The following DNAH11 variants were observed in gnomAD, a reference collection of about 807,000 sequenced individuals.
DNAH11 encodes the protein axonemal beta dynein heavy chain 11.
A neutral mutation model predicts 526.0 loss-of-function variants in DNAH11; 442 were observed. The ratio of observed to expected loss-of-function variants is 0.84; its 90% CI spans 0.78 to 0.91. The LOEUF (loss-of-function observed/expected upper bound fraction) is 0.91. Among genes scored for constraint, DNAH11 ranks in the 40% least tolerant of loss-of-function variants. DNAH11 has a pLI of 0.00. For missense variants in DNAH11, 6,989 were observed against 5,448.7 expected, an observed-to-expected ratio of 1.28 and a Z score of -8.90; for synonymous variants, 2,461 against 1,935.9, an observed-to-expected ratio of 1.27 and a Z score of -7.12.
chr7:21,604,358 C>T (rs760843243), intron 18 of DNAH11, among the ~76,000 whole-genome samples: 3 of 152,148 alleles, frequency 2.0e-5, no homozygotes, highest in Non-Finnish European at 2.9e-5. Context: ...TAATTCATCC[C>T]ATTCCTCCTC....
chr7:21,609,165 G>A (rs1010844925), intron 20 of DNAH11, among the ~76,000 whole-genome samples: 1 of 152,090 alleles, frequency 6.6e-6, no homozygotes, highest in Non-Finnish European at 1.5e-5. Context: ...ATAACCAGCT[G>A]AATTAACATA....
Position 21,744,471 on chromosome 7 carries a change from G to C in DNAH11, c.8188G>C (p.Gly2730Arg). 2 of 1,613,732 alleles carry C rather than the reference G, an allele frequency of 1.2e-6. No homozygotes were observed. The highest frequency in any genetic ancestry group is 1.7e-6 in the Non-Finnish European group (2 of 1,179,784). The change falls in exon 50 of 82, where the codon GGT becomes CGT. Residue 2730 changes from glycine (G) to arginine (R), a missense_variant. Gly to Arg is a moderately radical substitution (Grantham distance 125, BLOSUM62 -2). Coordinates refer to ENST00000409508, the MANE Select transcript of DNAH11 (RefSeq NM_001277115.2). Reference protein sequence around the residue: ...ILFASPECLKGPLDLIHLWLH... With the variant: ...ILFASPECLKRPLDLIHLWLH... The stretch of plus-strand genomic sequence containing the variant: ...ATTTGCTTCTCCTGAGTGTTTAAAA[G>C]GTCCACTTGATTTAATACATCTGTG...
At chr7:21,766,240 G>A (rs1049479691) in intron 55 of DNAH11, among the ~76,000 whole-genome samples, 42 of 152,224 alleles carry the variant, frequency 2.8e-4, no homozygotes, top group Admixed American at 1.8e-3. Context: ...AAAGCTTCAA[G>A]CATTCAGATT....
At chr7:21,611,114 G>A (rs1011879554) in intron 20 of DNAH11, among the ~76,000 whole-genome samples, 10 of 152,134 alleles carry the variant, frequency 6.6e-5, no homozygotes, top group Admixed American at 3.3e-4. Context: ...CCTGCAGTGC[G>A]GGTGGGCATT....
chr7:21,837,752 G>A (rs6969983), intron 65 of DNAH11, among the ~76,000 whole-genome samples: 193 of 152,202 alleles, frequency 1.3e-3, no homozygotes, highest in African/African-American at 4.5e-3. Context: ...GGAGGAATAC[G>A]TTCTGGTGTT....
intron 49 of DNAH11, among the ~76,000 whole-genome samples, chr7:21,743,384 A>T (rs1464736386): frequency 6.6e-6 from 1 of 152,214 alleles, no homozygotes; most frequent in Non-Finnish European, 1.5e-5. Flanking sequence ...GACAGTGTTT[A>T]TGTATTTGAC....
chr7:21,583,358 A>AG (rs1784378704), intron 9 of DNAH11, among the ~76,000 whole-genome samples: 1 of 152,198 alleles, frequency 6.6e-6, no homozygotes, highest in South Asian at 2.1e-4. Flanking sequence ...TATTTAATAA[A>AG]TGGTGTTGGG....
In DNAH11 at chr7:21,617,695, C is replaced by T; in HGVS notation, c.4172C>T (p.Thr1391Ile). The T allele has an allele frequency of 6.2e-7, 1 of 1,613,846 alleles. No individual in the cohort carries two copies. Among genetic ancestry groups the T allele is most frequent in the African/African-American group, 1.3e-5 (1 of 75,048 alleles). ...TGLEGTVKDM[T>I]ASLRAITELQ... is the part of the protein sequence containing the mutation. ...CTGGAAGGCACAGTTAAGGACATGA[C>T]AGCCTCCCTGAGGGCCATCACAGAG... The change falls in exon 23 of 82, where the codon ACA (threonine) becomes ATA (isoleucine). Residue 1391 changes from threonine (T) to isoleucine (I), a missense_variant. Transcript: ENST00000409508.
chr7:21,852,515 C>G lies in DNAH11; in HGVS notation c.10945C>G (p.Leu3649Val). The G allele has an allele frequency of 1.2e-6, 2 of 1,612,948 alleles. No homozygotes were observed. The highest frequency in any genetic ancestry group is 1.7e-6 in the Non-Finnish European group (2 of 1,179,488). ...QNDFKIELKYLEDDLLLRLSA... is the reference protein window; with the variant it reads ...QNDFKIELKYVEDDLLLRLSA... ...TGATTTTAAAATTGAGCTCAAGTAT[C>G]TGGAAGACGATCTCCTTTTGCGCCT... Residue 3649 changes from leucine (L) to valine (V), a missense_variant, in exon 67 of 82, where the codon CTG becomes GTG. Coordinates refer to ENST00000409508, the MANE Select transcript of DNAH11 (RefSeq NM_001277115.2).
intron 8 of DNAH11, among the ~76,000 whole-genome samples, chr7:21,573,922 C>CTG (rs1418529825): frequency 1.3e-5 from 2 of 152,130 alleles, no homozygotes; most frequent in Non-Finnish European, 2.9e-5. Context: ...TTTTGAAATG[C>CTG]TGTTGTTTAT....
intron 54 of DNAH11, among the ~76,000 whole-genome samples, chr7:21,753,592 C>T (rs930073023): frequency 1.3e-5 from 2 of 152,156 alleles, no homozygotes; most frequent in South Asian, 2.1e-4. Flanking sequence ...TGTATTTCTT[C>T]CTTATCAGCT....
intron 20 of DNAH11, among the ~76,000 whole-genome samples, chr7:21,613,616 A>G (rs1333115983): frequency 6.6e-6 from 1 of 152,246 alleles, no homozygotes; most frequent in African/African-American, 2.4e-5. Flanking sequence ...CTTCTTGTAC[A>G]ATATGGTGAC....
At position 21,637,633 on chromosome 7, in the gene DNAH11, A is replaced by G. The variant is rs1041361014; in HGVS notation, c.4748A>G (p.Lys1583Arg). ...CAGGAGTTAATGTTCAAGACAGCCAAAGTAGAAAATGTGTTAGAAGCAACG... is the reference window on the plus strand; with the variant it reads ...CAGGAGTTAATGTTCAAGACAGCCAGAGTAGAAAATGTGTTAGAAGCAACG... ...EFKELMFKTA[K>R]VENVLEATCR... The change falls in exon 27 of 82, where the codon AAA becomes AGA. Residue 1583 changes from lysine (K) to arginine (R), a missense_variant. By Grantham distance (26) the Lys-to-Arg change is conservative. Transcript: ENST00000409508. The G allele has an allele frequency of 7.6e-6, 12 of 1,588,874 alleles. No individual in the cohort carries two copies. Among genetic ancestry groups the G allele is most frequent in the Non-Finnish European group, 1.0e-5 (12 of 1,166,738 alleles).
chr7:21,694,855 G>A (rs1036994639), intron 35 of DNAH11, among the ~76,000 whole-genome samples: 3 of 152,168 alleles, frequency 2.0e-5, no homozygotes, highest in Non-Finnish European at 4.4e-5. Context: ...GTTCTCGCCA[G>A]CATCTGTTGT....
chr7:21,707,155 G>C (rs1037195914), intron 39 of DNAH11, among the ~76,000 whole-genome samples: 4 of 152,234 alleles, frequency 2.6e-5, no homozygotes, highest in South Asian at 4.1e-4. Context: ...GAGAACCACT[G>C]CCCTAAGTCT....
At chr7:21,711,436 A>G (rs1174288679) in intron 41 of DNAH11, among the ~76,000 whole-genome samples, 1 of 152,042 alleles carries the variant, frequency 6.6e-6, no homozygotes, top group African/African-American at 2.4e-5. Flanking sequence ...CTTTCATGTG[A>G]TTAATTTTTA....
chr7:21,687,286 TTTATTCTCTAACA>T (rs750502403), intron 33 of DNAH11, 31 bp downstream of exon 33: 2 of 1,555,458 alleles, frequency 1.3e-6, no homozygotes, highest in East Asian at 4.5e-5. Flanking sequence ...TGTGTAAAAC[TTTATTCTCTAACA>T]TTATTCCTGA....
chr7:21,837,864 A>G (rs1782051703), intron 65 of DNAH11, among the ~76,000 whole-genome samples: 2 of 152,204 alleles, frequency 1.3e-5, no homozygotes, highest in African/African-American at 4.8e-5. Flanking sequence ...AGAAATGATC[A>G]ATGAGATGAT....
rs192058548 is a variant in DNAH11, at chr7:21,726,493, G to A, written c.7440+509G>A. On this transcript the variant is annotated intron_variant, in intron 45 of 81. Coordinates refer to ENST00000409508, the MANE Select transcript of DNAH11 (RefSeq NM_001277115.2). ...AGTCTTTTTTTTTTCTTTCTTGCCT[G>A]ATGAATAAGTTATTGTGTTAATATG... 6.3e-3 allele frequency among the ~76,000 whole-genome samples: 948 copies of A among 151,534 alleles called. 9 individuals are homozygous for A. Among genetic ancestry groups the A allele is most frequent in the Non-Finnish European group, 8.8e-3 (599 of 67,892 alleles).
Sources: gnomAD v4.1 joint callset for allele counts (sites outside exome capture counted in the v4.1 genomes callset) on GRCh38, gnomAD v4.1.1 for gene constraint, MANE v1.5 for transcripts, NCBI Gene and HGNC (gene_info 2026-07-23, HGNC 2026-07-21) for gene names.